INPP4B: variants seen among roughly 807,000 people sequenced by gnomAD.
The protein encoded by INPP4B is inositol polyphosphate 4-phosphatase type II.
Under a neutral mutation model 122.5 loss-of-function variants are expected in INPP4B, and 55 were observed. The observed-to-expected ratio is 0.45, with a 90% CI of 0.36 to 0.56. The LOEUF (loss-of-function observed/expected upper bound fraction) is 0.56, where lower values mean the gene tolerates loss of function less well. Among genes scored for constraint, INPP4B ranks in the 20% least tolerant of loss-of-function variants. The pLI, the probability that INPP4B is intolerant of heterozygous loss-of-function variation, is 0.00. For missense variants in INPP4B, 1,000 were observed against 1,097.7 expected, an observed-to-expected ratio of 0.91 and a Z score of 1.26; for synonymous variants, 403 against 388.7, an observed-to-expected ratio of 1.04 and a Z score of -0.43.
At chr4:142,439,508 T>C (rs1562102282) in intron 3 of INPP4B, among the ~76,000 whole-genome samples, 1 of 152,240 alleles carries the variant, frequency 6.6e-6, no homozygotes, top group Non-Finnish European at 1.5e-5. Context: ...CCTTCATGGA[T>C]TCTTTCACAT....
chr4:142,249,343 C>T (rs894398965), intron 11 of INPP4B, among the ~76,000 whole-genome samples: 3 of 151,980 alleles, frequency 2.0e-5, no homozygotes, highest in Admixed American at 6.6e-5. Context: ...GGCTGAAGTA[C>T]TCTGTAGAAT....
chr4:142,453,775 C>G (rs776257344), intron 3 of INPP4B, among the ~76,000 whole-genome samples: 4 of 151,964 alleles, frequency 2.6e-5, no homozygotes, highest in African/African-American at 4.8e-5. Context: ...TAATACTGCT[C>G]TACAGTGAGA....
At chr4:142,667,822 ACTAAGTG>A (rs1316582487) in intron 2 of INPP4B, among the ~76,000 whole-genome samples, 1 of 152,222 alleles carries the variant, frequency 6.6e-6, no homozygotes, top group African/African-American at 2.4e-5. Flanking sequence ...CAAATCTGAA[ACTAAGTG>A]CTATGATGAT....
intron 2 of INPP4B, among the ~76,000 whole-genome samples, chr4:142,533,896 A>C (rs1230534595): frequency 1.3e-5 from 2 of 152,188 alleles, no homozygotes; most frequent in Admixed American, 6.5e-5. Flanking sequence ...TTAGGATGCC[A>C]TGGTCATAAA....
At chr4:142,619,340 T>C (rs1744387197) in intron 2 of INPP4B, among the ~76,000 whole-genome samples, 1 of 152,062 alleles carries the variant, frequency 6.6e-6, no homozygotes, top group Non-Finnish European at 1.5e-5. Flanking sequence ...ACAACCTACA[T>C]GTCTACTGAC....
intron 8 of INPP4B, among the ~76,000 whole-genome samples, chr4:142,312,486 C>CTCTCCT (rs141288109): frequency 0.012 from 1,843 of 152,320 alleles, 33 homozygotes; most frequent in African/African-American, 0.042. Flanking sequence ...AACTGATTGT[C>CTCTCCT]TCTCCTTTGA....
intron 2 of INPP4B, among the ~76,000 whole-genome samples, chr4:142,691,588 A>T (rs10006418): frequency 0.11 from 16,376 of 152,110 alleles, 903 homozygotes; most frequent in South Asian, 0.15. Flanking sequence ...TTTAGAAAAA[A>T]CACAAACTCA....
chr4:142,418,456 C>T (rs1274663242), intron 5 of INPP4B, among the ~76,000 whole-genome samples: 1 of 151,930 alleles, frequency 6.6e-6, no homozygotes, highest in African/African-American at 2.4e-5. Flanking sequence ...ATAAATTCCC[C>T]ATTTTATGGT....
intron 2 of INPP4B, among the ~76,000 whole-genome samples, chr4:142,628,551 TTAAAG>T (rs1346344917): frequency 9.6e-6 from 1 of 104,596 alleles, no homozygotes; most frequent in Non-Finnish European, 1.9e-5. Context: ...ACCCTAAAAC[TTAAAG>T]TAAAAAAAAA....
chr4:142,682,863 T>C (rs1202058163), intron 2 of INPP4B, among the ~76,000 whole-genome samples: 1 of 151,970 alleles, frequency 6.6e-6, no homozygotes, highest in Non-Finnish European at 1.5e-5. Flanking sequence ...CATTAGTAGG[T>C]ATAAAAACGG....
chr4:142,409,038 G>C (rs997216826), intron 5 of INPP4B, among the ~76,000 whole-genome samples: 2 of 152,126 alleles, frequency 1.3e-5, no homozygotes, highest in South Asian at 4.1e-4. Flanking sequence ...TTTATTTCCT[G>C]ATTACTTTTG....
chr4:142,558,532 T>C (rs1729697717), intron 2 of INPP4B, among the ~76,000 whole-genome samples: 1 of 151,952 alleles, frequency 6.6e-6, no homozygotes, highest in Non-Finnish European at 1.5e-5. Context: ...AGTGAAGAAA[T>C]TCTATAATCC....
chr4:142,541,986 A>C (rs1481688907), intron 2 of INPP4B, among the ~76,000 whole-genome samples: 1 of 152,114 alleles, frequency 6.6e-6, no homozygotes, highest in Non-Finnish European at 1.5e-5. Flanking sequence ...GCCTCTGGGG[A>C]TACTGCTTCC....
chr4:142,504,342 G>C (rs369608539), intron 2 of INPP4B, among the ~76,000 whole-genome samples: 5 of 151,844 alleles, frequency 3.3e-5, no homozygotes, highest in African/African-American at 1.2e-4. Context: ...AATTAAAAAA[G>C]CTCTAACACC....
intron 2 of INPP4B, among the ~76,000 whole-genome samples, chr4:142,585,846 T>TTTTTTA (rs1736058061): frequency 1.4e-5 from 2 of 144,592 alleles, no homozygotes; most frequent in Non-Finnish European, 3.0e-5. Flanking sequence ...CACTAAACAC[T>TTTTTTA]TTATTATTAT....
At chr4:142,185,506 A>G (rs1276816568) in intron 15 of INPP4B, among the ~76,000 whole-genome samples, 1 of 152,030 alleles carries the variant, frequency 6.6e-6, no homozygotes, top group African/African-American at 2.4e-5. Flanking sequence ...TATTATGCAT[A>G]TTAATACAAC....
Position 142,215,892 on chromosome 4 carries a change from C to CAA in INPP4B, c.837-6868_837-6867dup, listed in dbSNP as rs200657873. On this transcript the variant is annotated intron_variant, in intron 12 of 25. Transcript: ENST00000262992. ...TGGGCAACAGACCAAGACTCTGTCT[C>CAA]AAAAAAAAAAAAAAAAAAAAAAAAA... Among the ~76,000 whole-genome samples the CAA allele has an allele frequency of 1.6e-3, 90 of 54,546 alleles. 2 individuals are homozygous for CAA. The highest frequency in any genetic ancestry group is 1.9e-3 in the East Asian group (2 of 1,026). The allele number at this position is 54,546 out of a possible 152,430, so 35.8% of individuals were successfully genotyped here. A position where few individuals can be genotyped will look rare whatever the true frequency, so the allele number is the denominator to read the frequency against.
intron 23 of INPP4B, among the ~76,000 whole-genome samples, chr4:142,095,825 CTGT>C (rs1258231598): frequency 1.3e-5 from 2 of 152,160 alleles, no homozygotes; most frequent in Non-Finnish European, 1.5e-5. Flanking sequence ...TTGTTTGTTT[CTGT>C]TGTTTGTACA....
At chr4:142,532,037 G>C (rs115782434) in intron 2 of INPP4B, among the ~76,000 whole-genome samples, 3,219 of 152,184 alleles carry the variant, frequency 0.021, 43 homozygotes, top group Non-Finnish European at 0.032. Flanking sequence ...TGTAGCCCAG[G>C]CTGCTGCAAT....
Sources: gnomAD v4.1 joint callset for allele counts (sites outside exome capture counted in the v4.1 genomes callset) on GRCh38, gnomAD v4.1.1 for gene constraint, MANE v1.5 for transcripts, NCBI Gene and HGNC (gene_info 2026-07-23, HGNC 2026-07-21) for gene names.